The following LRRTM4 variants were observed in gnomAD, a reference collection of about 807,000 sequenced individuals.
LRRTM4 encodes the protein leucine-rich repeat transmembrane neuronal protein 4.
A neutral mutation model predicts 47.6 loss-of-function variants in LRRTM4; 25 were observed. That is an observed-to-expected ratio of 0.53 (90% CI 0.38 to 0.73). LRRTM4 has a LOEUF of 0.73. LRRTM4 is among the 30% of genes least tolerant of loss of function. LRRTM4 has a pLI of 0.00. For missense variants in LRRTM4, 638 were observed against 713.4 expected (o/e 0.89, Z 1.20); for synonymous variants, 311 against 269.5 (o/e 1.15, Z -1.51).
chr2:77,008,020 A>G (rs1238679100), intron 3 of LRRTM4, among the ~76,000 whole-genome samples: 2 of 152,192 alleles, frequency 1.3e-5, no homozygotes, highest in Admixed American at 6.5e-5. Context: ...CCACTTCACC[A>G]AACTGAAATA....
intron 3 of LRRTM4, among the ~76,000 whole-genome samples, chr2:76,792,046 T>C (rs1675003103): frequency 6.6e-6 from 1 of 152,148 alleles, no homozygotes; most frequent in Non-Finnish European, 1.5e-5. Flanking sequence ...TCAGCTCTTA[T>C]TTATCTAAGC....
At chr2:77,271,050 C>T (rs1558662306) in intron 3 of LRRTM4, among the ~76,000 whole-genome samples, 1 of 152,142 alleles carries the variant, frequency 6.6e-6, no homozygotes, top group Non-Finnish European at 1.5e-5. Context: ...AAGAGACAAC[C>T]TGACTTCAGA....
chr2:77,019,860 G>C (rs1319680858), intron 3 of LRRTM4, among the ~76,000 whole-genome samples: 1 of 151,996 alleles, frequency 6.6e-6, no homozygotes, highest in East Asian at 1.9e-4. Flanking sequence ...AATGGGAAAA[G>C]GTTAGAAAAA....
chr2:77,179,866 A>C (rs1250194281), intron 3 of LRRTM4, among the ~76,000 whole-genome samples: 1 of 152,310 alleles, frequency 6.6e-6, no homozygotes, highest in African/African-American at 2.4e-5. Flanking sequence ...GACCTTTAGA[A>C]AAACAAAAGT....
At chr2:77,362,992 G>T (rs538986491) in intron 3 of LRRTM4, among the ~76,000 whole-genome samples, 59 of 152,050 alleles carry the variant, frequency 3.9e-4, no homozygotes, top group African/African-American at 1.3e-3. Flanking sequence ...CATCCATATG[G>T]GTAGTATTAC....
In LRRTM4 at chr2:76,748,583, A is replaced by T; in HGVS notation, c.*112T>A. 1 of 858,980 alleles carries T rather than the reference A, an allele frequency of 1.2e-6. No homozygotes were observed. Among genetic ancestry groups the T allele is most frequent in the Non-Finnish European group, 1.8e-6 (1 of 546,962 alleles). 53.2% of individuals were successfully genotyped at this position (858,980 alleles called of 1,614,324 possible). ...CTTTTCTCTATGCCATAAATGTTTT[A>T]ACAGGAACGATGAGCTTGCTCGATT... is the stretch of plus-strand genomic sequence containing the variant. On this transcript the variant is annotated 3_prime_UTR_variant, in exon 4 of 4. Coordinates refer to ENST00000409884, the MANE Select transcript of LRRTM4 (RefSeq NM_001134745.3).
intron 3 of LRRTM4, among the ~76,000 whole-genome samples, chr2:76,953,879 A>G (rs1053198190): frequency 1.3e-5 from 2 of 151,924 alleles, no homozygotes; most frequent in East Asian, 1.9e-4. Context: ...ACAGAGCACA[A>G]GAGAGGTCAG....
chr2:77,241,324 C>A (rs1343854642), intron 3 of LRRTM4, among the ~76,000 whole-genome samples: 2 of 151,870 alleles, frequency 1.3e-5, no homozygotes, highest in East Asian at 3.9e-4. Flanking sequence ...GGAAAGAGAA[C>A]AGACTTTTTG....
At chr2:76,869,137 C>T (rs904669810) in intron 3 of LRRTM4, among the ~76,000 whole-genome samples, 4 of 151,890 alleles carry the variant, frequency 2.6e-5, no homozygotes, top group Non-Finnish European at 5.9e-5. Context: ...GGTGAAACCC[C>T]GTCTCTACTA....
intron 3 of LRRTM4, among the ~76,000 whole-genome samples, chr2:76,974,610 C>A (rs1247858112): frequency 6.6e-6 from 1 of 151,518 alleles, no homozygotes; most frequent in Non-Finnish European, 1.5e-5. Context: ...TATCCACTTT[C>A]ATCTCTAATA....
At chr2:77,152,355 G>C (rs1229067904) in intron 3 of LRRTM4, among the ~76,000 whole-genome samples, 2 of 151,874 alleles carry the variant, frequency 1.3e-5, no homozygotes, top group Non-Finnish European at 2.9e-5. Flanking sequence ...TTCAGATGGA[G>C]TCTCGCTGTG....
At chr2:77,490,183 A>G (rs1922816) in intron 3 of LRRTM4, among the ~76,000 whole-genome samples, 92,764 of 151,364 alleles carry the variant, frequency 0.61, 29,184 homozygotes, top group African/African-American at 0.72. Context: ...TCAGGATGCG[A>G]AAGTTGCAGT....
At chr2:77,510,541 T>C (rs1159631148) in intron 3 of LRRTM4, among the ~76,000 whole-genome samples, 1 of 151,988 alleles carries the variant, frequency 6.6e-6, no homozygotes, top group Non-Finnish European at 1.5e-5. Flanking sequence ...CCTTCCAAAA[T>C]AAAAGAACAT....
chr2:76,936,183 C>G (rs1199668787), intron 3 of LRRTM4, among the ~76,000 whole-genome samples: 1 of 152,066 alleles, frequency 6.6e-6, no homozygotes, highest in Non-Finnish European at 1.5e-5. Flanking sequence ...GACTTGGAAC[C>G]AACCCAAATG....
chr2:76,929,298 T>C (rs769244345), intron 3 of LRRTM4, among the ~76,000 whole-genome samples: 1 of 152,154 alleles, frequency 6.6e-6, no homozygotes, highest in Non-Finnish European at 1.5e-5. Context: ...CTAACGCCCA[T>C]GAACCACATC....
chr2:77,130,844 TTTTTTTTTG>T (rs1374741162), intron 3 of LRRTM4, among the ~76,000 whole-genome samples: 22 of 104,812 alleles, frequency 2.1e-4, no homozygotes, highest in African/African-American at 9.6e-4. Flanking sequence ...TTTTTTTTTT[TTTTTTTTTG>T]AGACGGAGTC....
intron 3 of LRRTM4, among the ~76,000 whole-genome samples, chr2:77,189,844 TATAC>T (rs1408724056): frequency 6.6e-6 from 1 of 152,134 alleles, no homozygotes; most frequent in Non-Finnish European, 1.5e-5. Context: ...CTTATAACTA[TATAC>T]ATAAACAATA....
chr2:77,036,103 G>C (rs1678827266), intron 3 of LRRTM4, among the ~76,000 whole-genome samples: 1 of 151,770 alleles, frequency 6.6e-6, no homozygotes, highest in African/African-American at 2.4e-5. Context: ...TGCATGAGTA[G>C]TAATGGTTTA....
intron 3 of LRRTM4, among the ~76,000 whole-genome samples, chr2:77,296,240 CAA>C (rs1407577373): frequency 2.0e-5 from 3 of 152,060 alleles, no homozygotes; most frequent in South Asian, 2.1e-4. Context: ...TATATTTTAA[CAA>C]GTTAATATTT....
Sources: gnomAD v4.1 joint callset for allele counts (sites outside exome capture counted in the v4.1 genomes callset) on GRCh38, gnomAD v4.1.1 for gene constraint, MANE v1.5 for transcripts, NCBI Gene and HGNC (gene_info 2026-07-23, HGNC 2026-07-21) for gene names.